The following PCDHGB4 variants were observed in gnomAD, a reference collection of about 807,000 sequenced individuals.
PCDHGB4 encodes protocadherin gamma subfamily B, 4.
PCDHGB4 carries 38 observed loss-of-function variants against 60.5 expected under a neutral mutation model. The ratio of observed to expected loss-of-function variants is 0.63; its 90% CI spans 0.48 to 0.82. The LOEUF (loss-of-function observed/expected upper bound fraction) is 0.82, where lower values mean the gene tolerates loss of function less well. Ranked by LOEUF, PCDHGB4 falls within the 40% of genes least tolerant of loss-of-function variation. PCDHGB4 has a pLI of 0.00. For missense variants in PCDHGB4, 1,109 were observed against 1,209.6 expected (o/e 0.92, Z 1.23); for synonymous variants, 456 against 509.7 (o/e 0.89, Z 1.42).
intron 1 of PCDHGB4, among the ~76,000 whole-genome samples, chr5:141,397,708 T>A (rs1409305799): frequency 6.6e-6 from 1 of 152,250 alleles, no homozygotes; most frequent in East Asian, 1.9e-4. Context: ...ACGTGATATT[T>A]CTAACAATTT....
At chr5:141,467,059 T>C (rs1157689140) in intron 1 of PCDHGB4, among the ~76,000 whole-genome samples, 2 of 151,064 alleles carry the variant, frequency 1.3e-5, no homozygotes, top group African/African-American at 2.4e-5. Context: ...TGTTTTCTTT[T>C]TTTTTTTTTT....
chr5:141,510,994 G>A lies in PCDHGB4; in HGVS notation c.2593G>A (p.Gly865Arg). ...CCTGGGAGGGGGTGCCGGCACCATG[G>A]GATTGAGCGCCCGCTACGGACCCCA... ...STLGGGAGTM[G>R]LSARYGPQFT... The change falls in exon 4 of 4, where the codon GGA becomes AGA. Residue 865 changes from glycine to arginine, a missense_variant. Physicochemically the swap from Gly to Arg is moderately radical, Grantham distance 125 (BLOSUM62 -2). This residue lies in a region of PCDHGB4 where 1,068 missense variants were observed against 1,089.9 expected (regional missense o/e 0.98). Transcript: ENST00000519479. 1 of 1,614,168 alleles carries A rather than the reference G, an allele frequency of 6.2e-7. No homozygotes were observed. Among genetic ancestry groups the A allele is most frequent in the Non-Finnish European group, 8.5e-7 (1 of 1,180,022 alleles).
rs1259562533 is a variant in PCDHGB4 at position 141,482,788 on chromosome 5, G to T, written c.2398-12019G>T. 2.6e-5 allele frequency among the ~76,000 whole-genome samples: 4 copies of T among 152,184 alleles called. 1 individual carries two copies. Among genetic ancestry groups the T allele is most frequent in the Admixed American group, 2.6e-4 (4 of 15,278 alleles). ...TATCACTGAACCTTAAACTGTGTGTGTGGCCGGGTACGGTGGCTCATGCCT... is the reference window on the plus strand; with the variant it reads ...TATCACTGAACCTTAAACTGTGTGTTTGGCCGGGTACGGTGGCTCATGCCT... On this transcript the variant is annotated intron_variant, in intron 1 of 3. Transcript: ENST00000519479.
rs566838507 is a variant in PCDHGB4, at chr5:141,415,047, G to A, written c.2397+24766G>A. 5 of 1,613,392 alleles carry A rather than the reference G, an allele frequency of 3.1e-6. No homozygotes were observed. The African/African-American group carries it at 5.3e-5, about 17-fold the overall frequency. Reference sequence around the variant, plus strand: ...GCGAGCCGGGACTCTTCGCGGTGGGGGAGCACACGGGCGAGGTGCGCACGG... The same window carrying A: ...GCGAGCCGGGACTCTTCGCGGTGGGAGAGCACACGGGCGAGGTGCGCACGG... On this transcript the variant is annotated intron_variant, in intron 1 of 3. Coordinates refer to ENST00000519479, the MANE Select transcript of PCDHGB4 (RefSeq NM_003736.4).
Position 141,389,512 on chromosome 5 carries a change from A to T in PCDHGB4, c.1628A>T (p.Asn543Ile). 6.2e-7 allele frequency: 1 copy of T among 1,613,138 alleles called. No homozygotes were observed. Among genetic ancestry groups the T allele is most frequent in the Non-Finnish European group, 8.5e-7 (1 of 1,179,742 alleles). ...RDQGSPALSA[N>I]VSLRVLVDDR... ...CAGGGCTCGCCAGCGCTCAGCGCGA[A>T]CGTGAGCCTGCGCGTGTTAGTGGAC... The change falls in exon 1 of 4, where the codon AAC (asparagine) becomes ATC (isoleucine). Residue 543 changes from asparagine (N) to isoleucine (I), a missense_variant. Physicochemically the swap from Asn to Ile is moderately radical, Grantham distance 149. Transcript: ENST00000519479.
chr5:141,442,751 T>G (rs756672976), intron 1 of PCDHGB4, among the ~76,000 whole-genome samples: 1 of 152,196 alleles, frequency 6.6e-6, no homozygotes, highest in Non-Finnish European at 1.5e-5. Context: ...CATGTTTTGA[T>G]TATATATATT....
chr5:141,489,844 C>T lies in PCDHGB4; in HGVS notation c.2398-4963C>T, dbSNP rs1004902910. 4.3e-6 allele frequency: 7 copies of T among 1,614,148 alleles called. No homozygotes were observed. The African/African-American group carries it at 9.3e-5, about 22-fold the overall frequency. ...GCTGGTGCTAGAGCAGCAGCTGGAT[C>T]GTGAAGCCCAGGCAAGACATCAGCT... On this transcript the variant is annotated intron_variant, in intron 1 of 3. Transcript: ENST00000519479. The surrounding 1 kb of genome is among the most constrained non-coding windows in gnomAD (Gnocchi z 4.5).
intron 1 of PCDHGB4, chr5:141,414,399 GGTGATAC>G (rs1297009673): frequency 6.2e-7 from 1 of 1,613,846 alleles, no homozygotes; most frequent in South Asian, 1.1e-5. Flanking sequence ...ATTACAGATT[GGTGATAC>G]ACAGAGCCCT....
intron 1 of PCDHGB4, chr5:141,415,199 T>C (rs761532551): frequency 1.7e-5 from 28 of 1,613,880 alleles, no homozygotes; most frequent in Non-Finnish European, 2.4e-5. Flanking sequence ...ATCCCCCAAG[T>C]CCTGGCGGAC....
rs1476860129 is a variant in PCDHGB4 at position 141,389,474 on chromosome 5, G to A, written c.1590G>A (p.Leu530=). ...HEQLRAFELT[L]QARDQGSPAL... ...AGCTGCGCGCCTTCGAACTCACACT[G>A]CAGGCCCGCGACCAGGGCTCGCCAG... is the stretch of plus-strand genomic sequence containing the variant. Residue 530 remains leucine, a synonymous_variant, in exon 1 of 4, where the codon CTG becomes CTA. Transcript: ENST00000519479. The A allele has an allele frequency of 1.2e-6, 2 of 1,613,168 alleles. No homozygotes were observed. The highest frequency in any genetic ancestry group is 2.2e-5 in the East Asian group (1 of 44,880).
At chr5:141,438,765 G>A (rs1012158127) in intron 1 of PCDHGB4, among the ~76,000 whole-genome samples, 5 of 149,658 alleles carry the variant, frequency 3.3e-5, no homozygotes, top group Middle Eastern at 3.4e-3. Context: ...GGGTTCAAGC[G>A]ATTCTCCTGC....
At chr5:141,506,863 G>A (rs1162975959) in intron 3 of PCDHGB4, among the ~76,000 whole-genome samples, 1 of 152,120 alleles carries the variant, frequency 6.6e-6, no homozygotes, top group Non-Finnish European at 1.5e-5. Context: ...GAGGACTGGT[G>A]GGTAGAGAAC....
chr5:141,403,210 C>G (rs369033480), intron 1 of PCDHGB4: 1 of 1,613,946 alleles, frequency 6.2e-7, no homozygotes, highest in Admixed American at 1.7e-5. Flanking sequence ...CCTTGGTCAC[C>G]GCGGGTAGGA....
chr5:141,413,721 C>T (rs779673406), intron 1 of PCDHGB4: 1 of 1,613,592 alleles, frequency 6.2e-7, no homozygotes, highest in South Asian at 1.1e-5. Context: ...ATAAGCACTT[C>T]TCCCTAAGAG....
intron 1 of PCDHGB4, among the ~76,000 whole-genome samples, chr5:141,480,115 G>A (rs1164458958): frequency 6.6e-6 from 1 of 152,110 alleles, no homozygotes; most frequent in African/African-American, 2.4e-5. Flanking sequence ...CATGGTGCCT[G>A]GCATATCATA....
rs2092051149 is a variant in PCDHGB4 at position 141,390,110 on chromosome 5, C to T, written c.2226C>T (p.Ser742=). 22 of 1,613,970 alleles carry T rather than the reference C, an allele frequency of 1.4e-5. No individual in the cohort carries two copies. Among genetic ancestry groups the T allele is most frequent in the Non-Finnish European group, 1.9e-5 (22 of 1,179,846 alleles). ...KSESVVPPNY[S]EGTLPYSYNL... is the part of the protein sequence containing the mutation. ...AATCCGTGGTTCCCCCCAACTACAG[C>T]GAGGGGACTTTGCCTTATTCCTACA... Residue 742 remains serine, a synonymous_variant, in exon 1 of 4, where the codon AGC becomes AGT. Transcript: ENST00000519479.
At position 141,433,290 on chromosome 5, in the gene PCDHGB4, C is replaced by T. The variant is rs186668064; in HGVS notation, c.2397+43009C>T. ...CTCACTGCAGCCTCAAACTCCTAGG[C>T]TCAAGCAATTATCCCACCTTTGCCT... On this transcript the variant is annotated intron_variant, in intron 1 of 3. Transcript: ENST00000519479. The T allele has an allele frequency of 1.6e-3, 1,738 of 1,107,746 alleles. 60 individuals carry two copies. In the Admixed American group the frequency reaches 0.041, roughly 26 times the overall value. 68.6% of individuals were successfully genotyped at this position (1,107,746 alleles called of 1,614,324 possible). A position where few individuals can be genotyped will look rare whatever the true frequency, so the allele number is the denominator to read the frequency against.
At chr5:141,456,918 G>C (rs535602842) in intron 1 of PCDHGB4, among the ~76,000 whole-genome samples, 49 of 152,124 alleles carry the variant, frequency 3.2e-4, no homozygotes, top group African/African-American at 1.2e-3. Context: ...AGCCGAGATC[G>C]CACCACTGCA....
At position 141,387,764 on chromosome 5, in the gene PCDHGB4, A is replaced by AT. The variant is rs1054166588; in HGVS notation, c.-115dup. 5.6e-6 allele frequency: 8 copies of AT among 1,430,464 alleles called. No individual in the cohort carries two copies. Among genetic ancestry groups the AT allele is most frequent in the Non-Finnish European group, 7.4e-6 (8 of 1,076,992 alleles). The allele number at this position is 1,430,464 out of a possible 1,614,324, so 88.6% of individuals were successfully genotyped here. On this transcript the variant is annotated 5_prime_UTR_variant, in exon 1 of 4. Transcript: ENST00000519479. ...CCGCTTCCTCCTCGGAAAAAGAAGA[A>AT]TTTTTTCTTGAACTGGAACTGCAAC... is the stretch of plus-strand genomic sequence containing the variant.
Sources: allele counts gnomAD v4.1 joint callset (sites outside exome capture counted in the v4.1 genomes callset), GRCh38; gene constraint gnomAD v4.1.1; regional missense constraint gnomAD v4.1.1; non-coding constraint Gnocchi (gnomAD v3.1); transcripts MANE v1.5; gene names NCBI Gene and HGNC (gene_info 2026-07-23, HGNC 2026-07-21).